Variants in CD46 observed in about 807,000 individuals in gnomAD.
The protein encoded by CD46 is membrane cofactor protein.
Under a neutral mutation model 53.3 loss-of-function variants are expected in CD46, and 30 were observed. The ratio of observed to expected loss-of-function variants is 0.56; its 90% CI spans 0.42 to 0.76. CD46 has a LOEUF of 0.76. Ranked by LOEUF, CD46 falls within the 30% of genes least tolerant of loss-of-function variation. The probability of loss-of-function intolerance (pLI) is 0.00; values close to 1 mark genes in which losing one functional copy is unlikely to be tolerated. For synonymous variants in CD46, 142 were observed against 152.0 expected (o/e 0.93, Z 0.48); for missense variants, 409 against 463.0 (o/e 0.88, Z 1.07).
At chr1:207,771,552 C>T (rs1225885149) in intron 8 of CD46, among the ~76,000 whole-genome samples, 10 of 152,232 alleles carry the variant, frequency 6.6e-5, no homozygotes, top group African/African-American at 2.2e-4. Flanking sequence ...AGTCTTCAAT[C>T]CATCTTGAGT....
At chr1:207,781,397 CTG>C (rs1658720992) in intron 8 of CD46, among the ~76,000 whole-genome samples, 1 of 151,976 alleles carries the variant, frequency 6.6e-6, no homozygotes, top group Non-Finnish European at 1.5e-5. Context: ...CCTTTTCACT[CTG>C]TTGATAGTGT....
At chr1:207,792,049 G>A (rs757031055) in intron 12 of CD46, among the ~76,000 whole-genome samples, 2 of 152,108 alleles carry the variant, frequency 1.3e-5, no homozygotes, top group Non-Finnish European at 2.9e-5. Flanking sequence ...TTGGGAGGCC[G>A]AGGCGGGCGG....
intron 11 of CD46, among the ~76,000 whole-genome samples, chr1:207,786,463 G>A (rs914865993): frequency 1.3e-5 from 2 of 152,096 alleles, no homozygotes; most frequent in Non-Finnish European, 1.5e-5. Context: ...TAGTTAAAGA[G>A]CTTACAGTTT....
intron 11 of CD46, among the ~76,000 whole-genome samples, chr1:207,789,870 G>GAAAAAA (rs150136290): frequency 2.3e-5 from 1 of 43,348 alleles, no homozygotes. Flanking sequence ...GCTGTGTCTT[G>GAAAAAA]AAAAAAAAAA....
chr1:207,754,329 A>C (rs927359452), intron 1 of CD46, among the ~76,000 whole-genome samples: 1 of 152,156 alleles, frequency 6.6e-6, no homozygotes, highest in Non-Finnish European at 1.5e-5. Context: ...GCTCTTCTGC[A>C]AACTCAGCTG....
chr1:207,761,456 C>T lies in CD46; in HGVS notation c.673+10C>T. The T allele has an allele frequency of 6.2e-7, 1 of 1,602,864 alleles. No individual in the cohort carries two copies. Among genetic ancestry groups the T allele is most frequent in the Non-Finnish European group, 8.5e-7 (1 of 1,169,824 alleles). On this transcript the variant is annotated intron_variant, in intron 5 of 12. Coordinates refer to ENST00000367042, the MANE Select transcript of CD46 (RefSeq NM_172351.3). ...GCTCCAGAGTGTAAAGGTAGTGTTTCAATTTATTTCCTTCTTCATTTGTAA... is the reference window on the plus strand; with the variant it reads ...GCTCCAGAGTGTAAAGGTAGTGTTTTAATTTATTTCCTTCTTCATTTGTAA...
chr1:207,752,134 A>C lies in CD46; in HGVS notation c.-79A>C. The stretch of plus-strand genomic sequence containing the variant: ...ATTGTTGCGTCCCATATCTGGACCC[A>C]GAAGGGACTTCCCTGCTCGGCTGGC... On this transcript the variant is annotated 5_prime_UTR_variant, in exon 1 of 13. Coordinates refer to ENST00000367042, the MANE Select transcript of CD46 (RefSeq NM_172351.3). This position sits in a 1 kb window ranked among gnomAD's most constrained non-coding sequence, Gnocchi z 4.1. 7.6e-7 allele frequency: 1 copy of C among 1,319,686 alleles called. No individual in the cohort carries two copies. Among genetic ancestry groups the C allele is most frequent in the Non-Finnish European group, 1.1e-6 (1 of 920,032 alleles). 81.7% of individuals were successfully genotyped at this position (1,319,686 alleles called of 1,614,324 possible).
chr1:207,753,443 G>C lies in CD46; in HGVS notation c.97+1134G>C, dbSNP rs117137365. ...CCAGCGCTTTGGGAGGCCCAGGCGG[G>C]GTGATTGCCTGTGCCCAGGAGTTCA... On this transcript the variant is annotated intron_variant, in intron 1 of 12. Coordinates refer to ENST00000367042, the MANE Select transcript of CD46 (RefSeq NM_172351.3). Among the ~76,000 whole-genome samples the C allele has an allele frequency of 1.5e-3, 227 of 152,346 alleles. 4 individuals are homozygous for C. The East Asian group carries it at 0.04, about 27-fold the overall frequency.
At chr1:207,776,199 C>T (rs1658083299) in intron 8 of CD46, among the ~76,000 whole-genome samples, 1 of 152,240 alleles carries the variant, frequency 6.6e-6, no homozygotes, top group Non-Finnish European at 1.5e-5. Flanking sequence ...AGGGTATCTC[C>T]TGGTCTGCTG....
In CD46 at chr1:207,777,141, A is replaced by G. The variant is rs1658204664; in HGVS notation, c.944-6151A>G. 2.6e-5 allele frequency among the ~76,000 whole-genome samples: 4 copies of G among 152,108 alleles called. No homozygotes were observed. The South Asian group carries it at 8.3e-4, about 31-fold the overall frequency. ...GTTTTGTCAGTTTTAAGCTTGTTAT[A>G]CTACTGGATATAGATTACTTTTTAT... is the stretch of plus-strand genomic sequence containing the variant. On this transcript the variant is annotated intron_variant, in intron 8 of 12. Coordinates refer to ENST00000367042, the MANE Select transcript of CD46 (RefSeq NM_172351.3).
intron 6 of CD46, chr1:207,767,525 C>A: frequency 8.7e-7 from 1 of 1,153,152 alleles, no homozygotes; most frequent in Non-Finnish European, 1.3e-6. Flanking sequence ...CTAAGTAAGT[C>A]AACAATGGCA....
rs202039317 is a variant in CD46, at chr1:207,770,377, T to C, written c.943+15T>C. The C allele has an allele frequency of 6.5e-5, 99 of 1,525,988 alleles. 1 individual carries two copies. In the Middle Eastern group the frequency reaches 1.6e-3, roughly 25 times the overall value. 94.5% of individuals were successfully genotyped at this position (1,525,988 alleles called of 1,614,324 possible). ...AAATTATCCAGGTTGGTTAACTCTT[T>C]ATCCTACTGATATTGTTAAGAATTT... On this transcript the variant is annotated intron_variant, in intron 8 of 12. Coordinates refer to ENST00000367042, the MANE Select transcript of CD46 (RefSeq NM_172351.3).
At position 207,770,323 on chromosome 1, in the gene CD46, C is replaced by T. The variant is rs1201193914; in HGVS notation, c.904C>T (p.Pro302Ser). 6.2e-7 allele frequency: 1 copy of T among 1,603,786 alleles called. No individual in the cohort carries two copies. The highest frequency in any genetic ancestry group is 1.1e-5 in the South Asian group (1 of 90,740). The change falls in exon 8 of 13, where the codon CCT (proline) becomes TCT (serine). Residue 302 changes from proline to serine, a missense_variant and splice_region_variant. By Grantham distance (74) the Pro-to-Ser change is moderately conservative. Transcript: ENST00000367042. ...TKSPASSASG[P>S]RPTYKPPVSN... ...TAAAATCAAACTTATTTTTCTAGGT[C>T]CTAGGCCTACTTACAAGCCTCCAGT...
At chr1:207,768,193 T>C in intron 7 of CD46, 1 of 221,972 alleles carries the variant, frequency 4.5e-6, no homozygotes, top group Non-Finnish European at 9.0e-6. Flanking sequence ...AGCTAGCCAA[T>C]ATGACTTATC....
At chr1:207,757,245 A>G in intron 2 of CD46, 43 bp downstream of exon 2, 1 of 1,501,000 alleles carries the variant, frequency 6.7e-7, no homozygotes, top group Non-Finnish European at 9.2e-7. Flanking sequence ...TGCTCTAGAG[A>G]TTTGCATACA....
chr1:207,761,123 A>G, intron 4 of CD46, 126 bp from the exon 5 acceptor site: 1 of 629,448 alleles, frequency 1.6e-6, no homozygotes, highest in Admixed American at 2.8e-5. Flanking sequence ...CTTCTTTTAA[A>G]TCCATATTGA....
At chr1:207,755,128 AAC>A (rs536402118) in intron 1 of CD46, among the ~76,000 whole-genome samples, 1 of 152,102 alleles carries the variant, frequency 6.6e-6, no homozygotes, top group Non-Finnish European at 1.5e-5. Flanking sequence ...AACAAAACAA[AAC>A]ACACACACAT....
At chr1:207,767,589 CA>C (rs1657007825) in intron 6 of CD46, 189 bp from the exon 7 acceptor site, 1 of 1,602,814 alleles carries the variant, frequency 6.2e-7, no homozygotes, top group African/African-American at 1.3e-5. Flanking sequence ...GATCTTCTAA[CA>C]TTATTTTGTT....
chr1:207,752,171 C>T lies in CD46; in HGVS notation c.-42C>T, dbSNP rs543060409. On this transcript the variant is annotated 5_prime_UTR_variant, in exon 1 of 13. Coordinates refer to ENST00000367042, the MANE Select transcript of CD46 (RefSeq NM_172351.3). The surrounding 1 kb of genome is among the most constrained non-coding windows in gnomAD (Gnocchi z 4.1). Reference sequence around the variant, plus strand: ...CCTGCTCGGCTGGCTCTCGGTTTCTCTGCTTTCCTCCGGAGAAATAACAGC... The same window carrying T: ...CCTGCTCGGCTGGCTCTCGGTTTCTTTGCTTTCCTCCGGAGAAATAACAGC... 54 of 1,590,616 alleles carry T rather than the reference C, an allele frequency of 3.4e-5. 1 individual carries two copies. Among genetic ancestry groups the T allele is most frequent in the South Asian group, 2.4e-4 (22 of 90,646 alleles).
Sources: allele counts gnomAD v4.1 joint callset (sites outside exome capture counted in the v4.1 genomes callset), GRCh38; gene constraint gnomAD v4.1.1; non-coding constraint Gnocchi (gnomAD v3.1); transcripts MANE v1.5; gene names NCBI Gene and HGNC (gene_info 2026-07-23, HGNC 2026-07-21).